TLN2: variants seen among roughly 807,000 people sequenced by gnomAD.
The protein encoded by TLN2 is talin 2, also known as talin-2.
In TLN2, 118 loss-of-function variants were observed where a neutral mutation model predicts 294.7. That is an observed-to-expected ratio of 0.40 (90% confidence interval 0.34 to 0.47). The LOEUF is 0.47. TLN2 is among the 20% of genes least tolerant of loss of function. The probability of loss-of-function intolerance (pLI) is 0.84; values close to 1 mark genes in which losing one functional copy is unlikely to be tolerated. For synonymous variants in TLN2, 1,431 were observed against 1,304.5 expected (o/e 1.10, Z -2.09); for missense variants, 3,083 against 3,282.2 (o/e 0.94, Z 1.48).
intron 37 of TLN2, chr15:62,758,733 C>G (rs1262113338): frequency 6.6e-6 from 1 of 152,162 alleles, no homozygotes; most frequent in African/African-American, 2.4e-5. Flanking sequence ...AGGAAAAAGG[C>G]TGTTGGGCTT....
rs1327971618 is a variant in TLN2 at position 62,781,126 on chromosome 15, C to A, written c.5515-14C>A. On this transcript the variant is annotated splice_polypyrimidine_tract_variant and intron_variant, in intron 43 of 58. Coordinates refer to ENST00000636159, the MANE Select transcript of TLN2 (RefSeq NM_015059.3). ...CTTCTTATGACCTTTGGATTCTTTT[C>A]CTCTCCTCTGTAGCTGGATGAAGGC... 18 of 1,605,348 alleles carry A rather than the reference C, an allele frequency of 1.1e-5. No individual in the cohort carries two copies. The South Asian group carries it at 1.3e-4, about 12-fold the overall frequency.
chr15:62,823,167 C>A (rs2141212623), intron 54 of TLN2, among the ~76,000 whole-genome samples: 1 of 152,320 alleles, frequency 6.6e-6, no homozygotes, highest in African/African-American at 2.4e-5. Context: ...ATGGGTACTT[C>A]TAGAATGCTT....
At chr15:62,516,790 A>G (rs2040214308) in intron 1 of TLN2, among the ~76,000 whole-genome samples, 1 of 152,312 alleles carries the variant, frequency 6.6e-6, no homozygotes, top group East Asian at 1.9e-4. Context: ...GCCTCGTATC[A>G]TTTTGAGAGC....
intron 1 of TLN2, among the ~76,000 whole-genome samples, chr15:62,398,486 T>C (rs188364879): frequency 2.4e-4 from 36 of 152,194 alleles, no homozygotes; most frequent in Admixed American, 2.0e-3. Flanking sequence ...GGAAGTGACA[T>C]TGGAACAGTT....
Position 62,498,167 on chromosome 15 carries a change from A to G in TLN2, c.-237-91520A>G, listed in dbSNP as rs561405596. 3.3e-5 allele frequency among the ~76,000 whole-genome samples: 5 copies of G among 151,354 alleles called. No homozygotes were observed. The East Asian group carries it at 7.7e-4, about 23-fold the overall frequency. On this transcript the variant is annotated intron_variant, in intron 1 of 58. Coordinates refer to ENST00000636159, the MANE Select transcript of TLN2 (RefSeq NM_015059.3). The stretch of plus-strand genomic sequence containing the variant: ...AGACCCTGCCTCAAAAAAAAAAAAA[A>G]AAAAAAAGAAAAAAAAGTCTGGAAT...
intron 2 of TLN2, among the ~76,000 whole-genome samples, chr15:62,607,456 A>G (rs2047547462): frequency 1.3e-5 from 2 of 152,204 alleles, no homozygotes. Flanking sequence ...TTTGATTTGC[A>G]GCAATACCTG....
At chr15:62,734,682 T>G (rs2140951681) in intron 28 of TLN2, among the ~76,000 whole-genome samples, 1 of 152,376 alleles carries the variant, frequency 6.6e-6, no homozygotes, top group East Asian at 1.9e-4. Context: ...CCAGCTGTAC[T>G]CAGAAGTGCC....
intron 58 of TLN2, 51 bp from the exon 59 acceptor site, chr15:62,840,431 A>G (rs2070518379): frequency 6.2e-7 from 1 of 1,605,960 alleles, no homozygotes; most frequent in African/African-American, 1.3e-5. Flanking sequence ...GGTGGGTCGG[A>G]GGGTTTTCTA....
chr15:62,709,702 T>G (rs1353728555), intron 21 of TLN2, among the ~76,000 whole-genome samples: 1 of 151,730 alleles, frequency 6.6e-6, no homozygotes, highest in Non-Finnish European at 1.5e-5. Context: ...CTTTTCATTT[T>G]ATATATCTTA....
chr15:62,582,246 A>ACACACACCCC (rs764248336), intron 1 of TLN2, among the ~76,000 whole-genome samples: 1,878 of 137,268 alleles, frequency 0.014, 69 homozygotes, highest in South Asian at 0.025. Context: ...ACACACACAC[A>ACACACACCCC]CATTCATGCC....
intron 9 of TLN2, among the ~76,000 whole-genome samples, chr15:62,667,213 G>T (rs193009617): frequency 6.6e-6 from 1 of 152,086 alleles, no homozygotes; most frequent in Non-Finnish European, 1.5e-5. Flanking sequence ...TGATCCGCCC[G>T]CCTTGGCCTC....
chr15:62,612,673 G>C lies in TLN2; in HGVS notation c.-161-5678G>C, dbSNP rs112228047. On this transcript the variant is annotated intron_variant, in intron 2 of 58. Coordinates refer to ENST00000636159, the MANE Select transcript of TLN2 (RefSeq NM_015059.3). ...CTTGTTGTCACCAGAAAAGCAATTTGTTAAAAATAAGCCATGTTCTTTGAA... is the reference window on the plus strand; with the variant it reads ...CTTGTTGTCACCAGAAAAGCAATTTCTTAAAAATAAGCCATGTTCTTTGAA... Among the ~76,000 whole-genome samples, 680 of 152,224 alleles carry C rather than the reference G, an allele frequency of 4.5e-3. 6 individuals carry two copies. The highest frequency in any genetic ancestry group is 0.015 in the African/African-American group (631 of 41,540).
chr15:62,643,124 G>A (rs542808669), intron 3 of TLN2, among the ~76,000 whole-genome samples: 1 of 152,320 alleles, frequency 6.6e-6, no homozygotes, highest in East Asian at 1.9e-4. Flanking sequence ...TGTGGTTCTT[G>A]TGGGGTGGTG....
Position 62,712,074 on chromosome 15 carries a change from A to G in TLN2, c.2631A>G (p.Ala877=), listed in dbSNP as rs1473573810. 1.2e-6 allele frequency: 2 copies of G among 1,613,884 alleles called. No individual in the cohort carries two copies. Among genetic ancestry groups the G allele is most frequent in the Admixed American group, 3.3e-5 (2 of 60,024 alleles). ...ADSTARMVEA[A]KGAAANPENE... The stretch of plus-strand genomic sequence containing the variant: ...CCACTGCTCGCATGGTGGAAGCTGC[A>G]AAGGTATTCTACTGGATTTGTTTGT... Residue 877 remains alanine, a synonymous_variant, in exon 22 of 59, where the codon GCA becomes GCG. Coordinates refer to ENST00000636159, the MANE Select transcript of TLN2 (RefSeq NM_015059.3).
intron 24 of TLN2, among the ~76,000 whole-genome samples, chr15:62,719,299 C>A (rs914394590): frequency 6.6e-6 from 1 of 152,202 alleles, no homozygotes; most frequent in Non-Finnish European, 1.5e-5. Context: ...CATGGCAACA[C>A]AAAGGCGCAG....
chr15:62,484,306 G>A (rs1055938835), intron 1 of TLN2, among the ~76,000 whole-genome samples: 9 of 152,066 alleles, frequency 5.9e-5, no homozygotes, highest in African/African-American at 1.9e-4. Flanking sequence ...AAATAATAGC[G>A]TTCTGGTGGC....
intron 1 of TLN2, among the ~76,000 whole-genome samples, chr15:62,405,268 A>G (rs1053937723): frequency 6.6e-6 from 1 of 152,070 alleles, no homozygotes; most frequent in African/African-American, 2.4e-5. Context: ...GACTCACTAA[A>G]CTGAATCGGG....
chr15:62,459,299 C>CTT lies in TLN2; in HGVS notation c.-238+68633_-238+68634dup, dbSNP rs35344244. On this transcript the variant is annotated intron_variant, in intron 1 of 58. Transcript: ENST00000636159. ...ACAGGTGTGAGCCACCACGCTCGGC[C>CTT]TTTTTTTTTTTTTTTTTTTTAAGTA... Among the ~76,000 whole-genome samples the CTT allele has an allele frequency of 3.3e-3, 434 of 130,506 alleles. 1 individual carries two copies. The highest frequency in any genetic ancestry group is 0.011 in the African/African-American group (372 of 34,674). 85.6% of individuals were successfully genotyped at this position (130,506 alleles called of 152,430 possible).
At chr15:62,735,437 C>T (rs932743362) in intron 28 of TLN2, among the ~76,000 whole-genome samples, 1 of 152,162 alleles carries the variant, frequency 6.6e-6, no homozygotes, top group African/African-American at 2.4e-5. Context: ...GAAGGAGGCA[C>T]TTCACAAAAG....
Sources: gnomAD v4.1 joint callset for allele counts (sites outside exome capture counted in the v4.1 genomes callset) on GRCh38, gnomAD v4.1.1 for gene constraint, MANE v1.5 for transcripts, NCBI Gene and HGNC (gene_info 2026-07-23, HGNC 2026-07-21) for gene names.